The following SLC67A2 variants were observed in gnomAD, a reference collection of about 807,000 sequenced individuals.
The protein encoded by SLC67A2 is solute carrier family 67 member A2.
At chr2:102,735,394 G>A in the SLC67A2 span, among the ~76,000 whole-genome samples, 2 of 152,204 alleles carry the variant, frequency 1.3e-5, no homozygotes, top group African/African-American at 4.8e-5. Context: ...CTTGCATGGA[G>A]GTGGTGGCAT....
chr2:102,718,809 AC>A, the SLC67A2 span: 1 of 1,613,708 alleles, frequency 6.2e-7, no homozygotes, highest in African/African-American at 1.3e-5. Context: ...TTGTGCTTGT[AC>A]AGCCGTAGGA....
At chr2:102,735,989 C>G in the SLC67A2 span, among the ~76,000 whole-genome samples, 5 of 152,078 alleles carry the variant, frequency 3.3e-5, no homozygotes, top group Non-Finnish European at 7.3e-5. Flanking sequence ...TGAAAATGCA[C>G]CCAATTCTGT....
the SLC67A2 span, among the ~76,000 whole-genome samples, chr2:102,719,948 C>T: frequency 1.3e-5 from 2 of 152,186 alleles, no homozygotes; most frequent in African/African-American, 4.8e-5. Context: ...TAGACCACAA[C>T]ATATACAACC....
At chr2:102,716,651 T>A in the SLC67A2 span, 2 of 152,240 alleles carry the variant, frequency 1.3e-5, no homozygotes, top group Admixed American at 1.3e-4. Flanking sequence ...CAGAAATGTT[T>A]ACTGCTTTAC....
At chr2:102,732,016 G>A in the SLC67A2 span, 7 of 503,302 alleles carry the variant, frequency 1.4e-5, no homozygotes, top group Non-Finnish European at 2.3e-5. Flanking sequence ...GAGTCCACAT[G>A]TACCTACCCT....
chr2:102,727,142 C>T, the SLC67A2 span, among the ~76,000 whole-genome samples: 3 of 151,876 alleles, frequency 2.0e-5, no homozygotes, highest in African/African-American at 7.3e-5. Context: ...TTTCTCTGAT[C>T]TTCACACACA....
chr2:102,715,962 T>C, the SLC67A2 span: 3 of 152,330 alleles, frequency 2.0e-5, no homozygotes, highest in East Asian at 5.8e-4. Flanking sequence ...CTTATTAAAA[T>C]GGTCCCCAAC....
chr2:102,732,246 T>A, the SLC67A2 span: 1 of 1,212,116 alleles, frequency 8.3e-7, no homozygotes, highest in East Asian at 2.3e-5. Context: ...GGATACAAAA[T>A]TGAATTGTTT....
At chr2:102,723,888 G>C in the SLC67A2 span, 38 of 1,613,894 alleles carry the variant, frequency 2.4e-5, no homozygotes, top group South Asian at 4.0e-4. Context: ...CCTTGAGATG[G>C]AGAGAGTGTG....
chr2:102,726,797 T>C, the SLC67A2 span: 6 of 1,526,778 alleles, frequency 3.9e-6, no homozygotes, highest in South Asian at 6.4e-5. Flanking sequence ...ATATTGAGGT[T>C]CTGGGGGAAG....
At chr2:102,732,982 G>A in the SLC67A2 span, among the ~76,000 whole-genome samples, 1 of 152,186 alleles carries the variant, frequency 6.6e-6, no homozygotes, top group Non-Finnish European at 1.5e-5. Context: ...TCTTTGGAAA[G>A]CTACTTAAAG....
the SLC67A2 span, among the ~76,000 whole-genome samples, chr2:102,733,778 A>G: frequency 1.3e-5 from 2 of 152,146 alleles, no homozygotes; most frequent in Non-Finnish European, 2.9e-5. Flanking sequence ...CCAGTACAAC[A>G]TATCATTTAA....
the SLC67A2 span, chr2:102,732,135 T>C: frequency 2.9e-6 from 2 of 700,304 alleles, no homozygotes; most frequent in Middle Eastern, 2.4e-4. Flanking sequence ...TGAACATACG[T>C]CGTCTAGAAA....
the SLC67A2 span, chr2:102,736,817 G>A: frequency 1.3e-6 from 2 of 1,595,714 alleles, no homozygotes; most frequent in Non-Finnish European, 1.7e-6. Context: ...CCATACCCGC[G>A]CCGGCCGGGG....
chr2:102,724,161 T>C, the SLC67A2 span, among the ~76,000 whole-genome samples: 1 of 152,150 alleles, frequency 6.6e-6, no homozygotes. Context: ...ACCTTATCTC[T>C]GGCAATCAAG....
At chr2:102,721,873 TAA>T in the SLC67A2 span, among the ~76,000 whole-genome samples, 188 of 151,954 alleles carry the variant, frequency 1.2e-3, no homozygotes, top group African/African-American at 4.4e-3. Flanking sequence ...CCTGGATAAT[TAA>T]AAAAAAATTT....
chr2:102,724,491 T>C, the SLC67A2 span, among the ~76,000 whole-genome samples: 2 of 152,304 alleles, frequency 1.3e-5, no homozygotes, highest in African/African-American at 4.8e-5. Flanking sequence ...TGCTGTGATA[T>C]AACTTTTAAT....
At chr2:102,735,846 GCACA>G in the SLC67A2 span, among the ~76,000 whole-genome samples, 51 of 149,690 alleles carry the variant, frequency 3.4e-4, no homozygotes, top group Admixed American at 5.3e-4. Context: ...ACGCGCGCGC[GCACA>G]CACACACACA....
chr2:102,722,685 A>T, the SLC67A2 span, among the ~76,000 whole-genome samples: 1 of 152,184 alleles, frequency 6.6e-6, no homozygotes, highest in South Asian at 2.1e-4. Context: ...AAACTGTAAA[A>T]GAAGGTAGAA....
Sources: allele counts gnomAD v4.1 joint callset (sites outside exome capture counted in the v4.1 genomes callset), GRCh38; gene constraint gnomAD v4.1.1; transcripts MANE v1.5; gene names NCBI Gene and HGNC (gene_info 2026-07-23, HGNC 2026-07-21).